The following ARHGAP24 variants were observed in gnomAD, a reference collection of about 807,000 sequenced individuals.
The protein encoded by ARHGAP24 is Rho GTPase activating protein 24.
ARHGAP24 carries 50 observed loss-of-function variants against 76.4 expected under a neutral mutation model. That is an observed-to-expected ratio of 0.65 (90% CI 0.52 to 0.83). The LOEUF (loss-of-function observed/expected upper bound fraction) is 0.83, where lower values mean the gene tolerates loss of function less well. Ranked by LOEUF, ARHGAP24 falls within the 40% of genes least tolerant of loss-of-function variation. The pLI is 0.00. For synonymous variants in ARHGAP24, 345 were observed against 323.3 expected, an observed-to-expected ratio of 1.07 and a Z score of -0.72; for missense variants, 930 against 914.2, an observed-to-expected ratio of 1.02 and a Z score of -0.22.
chr4:85,648,841 A>G (rs940740924), intron 2 of ARHGAP24, among the ~76,000 whole-genome samples: 6 of 152,058 alleles, frequency 3.9e-5, no homozygotes, highest in African/African-American at 1.4e-4. Flanking sequence ...CTGGAACTTC[A>G]TTATTATGTC....
chr4:85,954,417 C>T (rs1737791158), intron 5 of ARHGAP24, among the ~76,000 whole-genome samples: 1 of 152,124 alleles, frequency 6.6e-6, no homozygotes, highest in Admixed American at 6.6e-5. Context: ...ATCTGCCTTC[C>T]CCATGCCAAT....
chr4:85,665,029 T>A (rs917286842), intron 2 of ARHGAP24, among the ~76,000 whole-genome samples: 4 of 152,168 alleles, frequency 2.6e-5, no homozygotes, highest in African/African-American at 9.7e-5. Flanking sequence ...GTCTATTAGG[T>A]CCCCTTGGTG....
Position 85,872,599 on chromosome 4 carries a change from T to TTG in ARHGAP24, c.269-51048_269-51047insGT, listed in dbSNP as rs1398269233. On this transcript the variant is annotated intron_variant, in intron 3 of 9. Coordinates refer to ENST00000395184, the MANE Select transcript of ARHGAP24 (RefSeq NM_001025616.3). ...GCATGAGCCACTGCATCTGGCCTTT[T>TTG]TTTTTTTTTTTTTTTTTTGACAGGG... 2.2e-5 allele frequency among the ~76,000 whole-genome samples: 3 copies of TTG among 137,916 alleles called. No individual in the cohort carries two copies. The East Asian group carries it at 6.7e-4, about 31-fold the overall frequency. 90.5% of individuals were successfully genotyped at this position (137,916 alleles called of 152,430 possible).
chr4:85,980,844 C>T (rs1268203429), intron 8 of ARHGAP24, among the ~76,000 whole-genome samples: 1 of 152,154 alleles, frequency 6.6e-6, no homozygotes, highest in East Asian at 1.9e-4. Flanking sequence ...GACATTTGCA[C>T]AGATGGTGCT....
intron 1 of ARHGAP24, among the ~76,000 whole-genome samples, chr4:85,519,582 A>G (rs1160271152): frequency 6.6e-6 from 1 of 152,200 alleles, no homozygotes; most frequent in Non-Finnish European, 1.5e-5. Context: ...TACACATAAA[A>G]TTAGATCTCA....
intron 2 of ARHGAP24, among the ~76,000 whole-genome samples, chr4:85,686,204 A>G (rs938962358): frequency 2.0e-5 from 3 of 152,198 alleles, no homozygotes; most frequent in Non-Finnish European, 2.9e-5. Flanking sequence ...AAAGTCAAGT[A>G]CCCAACTCTT....
chr4:85,766,846 T>G (rs2110076388), intron 3 of ARHGAP24, among the ~76,000 whole-genome samples: 1 of 152,278 alleles, frequency 6.6e-6, no homozygotes, highest in African/African-American at 2.4e-5. Context: ...CTCACAATTT[T>G]AATATTTAGC....
intron 2 of ARHGAP24, among the ~76,000 whole-genome samples, chr4:85,690,463 AT>A (rs1723590106): frequency 6.6e-6 from 1 of 151,954 alleles, no homozygotes; most frequent in African/African-American, 2.4e-5. Flanking sequence ...GTGTTGGTAT[AT>A]TTTTTATTAC....
intron 5 of ARHGAP24, among the ~76,000 whole-genome samples, chr4:85,965,597 C>CTTT (rs1738548475): frequency 6.7e-6 from 1 of 149,808 alleles, no homozygotes; most frequent in African/African-American, 2.5e-5. Flanking sequence ...GGAATTCCCT[C>CTTT]CTTTGGAATT....
At chr4:85,647,115 C>A (rs1488999050) in intron 2 of ARHGAP24, among the ~76,000 whole-genome samples, 1 of 152,096 alleles carries the variant, frequency 6.6e-6, no homozygotes, top group African/African-American at 2.4e-5. Context: ...AGGACATTTT[C>A]TAGTAGCTGA....
intron 3 of ARHGAP24, among the ~76,000 whole-genome samples, chr4:85,788,373 C>T (rs1184128853): frequency 6.6e-6 from 1 of 152,048 alleles, no homozygotes; most frequent in Non-Finnish European, 1.5e-5. Flanking sequence ...AAACTTAAAC[C>T]AATCATTTTT....
At chr4:85,687,818 C>CA (rs1560586152) in intron 2 of ARHGAP24, among the ~76,000 whole-genome samples, 2 of 146,274 alleles carry the variant, frequency 1.4e-5, no homozygotes, top group East Asian at 2.0e-4. Context: ...GTTCTATTTT[C>CA]TTTTTTTTTT....
intron 2 of ARHGAP24, among the ~76,000 whole-genome samples, chr4:85,719,775 G>A (rs1379988314): frequency 1.3e-5 from 2 of 152,178 alleles, no homozygotes; most frequent in Non-Finnish European, 2.9e-5. Flanking sequence ...TAACGAGGGA[G>A]ATGGACTTTA....
At chr4:85,627,128 CT>C (rs1028368589) in intron 2 of ARHGAP24, among the ~76,000 whole-genome samples, 2 of 152,158 alleles carry the variant, frequency 1.3e-5, no homozygotes, top group African/African-American at 4.8e-5. Flanking sequence ...AGCTGCATTC[CT>C]TTGGAGGAGG....
chr4:85,627,478 C>T lies in ARHGAP24; in HGVS notation c.180+56757C>T, dbSNP rs79468696. Among the ~76,000 whole-genome samples the T allele has an allele frequency of 5.6e-3, 856 of 152,284 alleles. 12 individuals carry two copies. The highest frequency in any genetic ancestry group is 0.02 in the African/African-American group (815 of 41,562). On this transcript the variant is annotated intron_variant, in intron 2 of 9. Transcript: ENST00000395184. ...CCCGGCCGTGTGAGGTGTCAGTCTG[C>T]ACCTACTGGTTGGTGCCTCCCAGTT...
chr4:85,556,969 C>T (rs951852078), intron 1 of ARHGAP24, among the ~76,000 whole-genome samples: 1 of 152,332 alleles, frequency 6.6e-6, no homozygotes, highest in East Asian at 1.9e-4. Context: ...CTATGTGGAA[C>T]ACAGTCTTGT....
At chr4:85,967,752 T>A (rs1738712109) in intron 5 of ARHGAP24, among the ~76,000 whole-genome samples, 1 of 152,162 alleles carries the variant, frequency 6.6e-6, no homozygotes, top group Non-Finnish European at 1.5e-5. Context: ...GTCTGTATAA[T>A]GACTTTACGT....
At chr4:85,605,171 T>G (rs1332579218) in intron 2 of ARHGAP24, among the ~76,000 whole-genome samples, 1 of 152,230 alleles carries the variant, frequency 6.6e-6, no homozygotes, top group African/African-American at 2.4e-5. Context: ...TTTTTTATGT[T>G]TTCTGTAATG....
In ARHGAP24 at chr4:85,939,971, T is replaced by C. The variant is rs192291590; in HGVS notation, c.392-2095T>C. On this transcript the variant is annotated intron_variant, in intron 4 of 9. Transcript: ENST00000395184. Reference sequence around the variant, plus strand: ...CAACATATTATTTTCTTAAATGATCTACAAGTCTTTTAAAAGGTTATTTAC... The same window carrying C: ...CAACATATTATTTTCTTAAATGATCCACAAGTCTTTTAAAAGGTTATTTAC... Among the ~76,000 whole-genome samples, 5 of 152,232 alleles carry C rather than the reference T, an allele frequency of 3.3e-5. No homozygotes were observed. The East Asian group carries it at 9.6e-4, about 29-fold the overall frequency.
Sources: allele counts gnomAD v4.1 joint callset (sites outside exome capture counted in the v4.1 genomes callset), GRCh38; gene constraint gnomAD v4.1.1; transcripts MANE v1.5; gene names NCBI Gene and HGNC (gene_info 2026-07-23, HGNC 2026-07-21).